OR13A1: variants seen among roughly 807,000 people sequenced by gnomAD.
The protein encoded by OR13A1 is olfactory receptor family 13 subfamily A member 1, also known as olfactory receptor 13A1.
In OR13A1, 10 loss-of-function variants were observed where a neutral mutation model predicts 7.5. The ratio of observed to expected loss-of-function variants is 1.34; its 90% confidence interval spans 0.83 to 2.27. The LOEUF (loss-of-function observed/expected upper bound fraction) is 2.27, where lower values mean the gene tolerates loss of function less well. Ranked by LOEUF, OR13A1 falls within the 30% of genes most tolerant of loss-of-function variation. OR13A1 has a pLI of 0.00. For missense variants in OR13A1, 509 were observed against 419.1 expected, an observed-to-expected ratio of 1.21 and a Z score of -1.87; for synonymous variants, 238 against 177.9, an observed-to-expected ratio of 1.34 and a Z score of -2.69.
At chr10:45,314,359 G>T (rs184410429) in intron 1 of OR13A1, among the ~76,000 whole-genome samples, 2 of 151,986 alleles carry the variant, frequency 1.3e-5, no homozygotes, top group East Asian at 3.9e-4. Context: ...CACTTTGACA[G>T]GCTGAGGGAG....
Position 45,306,431 on chromosome 10 carries a change from T to C in OR13A1, c.-13+995A>G, listed in dbSNP as rs1456617313. Among the ~76,000 whole-genome samples, 6 of 144,370 alleles carry C rather than the reference T, an allele frequency of 4.2e-5. No individual in the cohort carries two copies. In the Admixed American group the frequency reaches 4.2e-4, roughly 10 times the overall value. The allele number at this position is 144,370 out of a possible 152,430, so 94.7% of individuals were successfully genotyped here. On this transcript the variant is annotated intron_variant, in intron 3 of 3. Transcript: ENST00000553795. Reference sequence around the variant, plus strand: ...TCGCGCCACTGCACTCCAGCCTGGGTGACAGAGCGAGACTCCGTCTCAAAA... The same window carrying C: ...TCGCGCCACTGCACTCCAGCCTGGGCGACAGAGCGAGACTCCGTCTCAAAA...
At chr10:45,304,500 A>C (rs1382735405) in intron 3 of OR13A1, 66 bp from the exon 4 acceptor site, 2 of 1,344,326 alleles carry the variant, frequency 1.5e-6, no homozygotes, top group East Asian at 4.6e-5. Flanking sequence ...ACCTCACATC[A>C]CTGCATGAAA....
At chr10:45,310,732 G>A (rs1009767742) in intron 1 of OR13A1, among the ~76,000 whole-genome samples, 22 of 152,020 alleles carry the variant, frequency 1.4e-4, no homozygotes, top group African/African-American at 2.2e-4. Context: ...TGTTACTCCC[G>A]AGAACTGAGA....
At chr10:45,304,488 A>G in intron 3 of OR13A1, 54 bp from the exon 4 acceptor site, 1 of 1,442,946 alleles carries the variant, frequency 6.9e-7, no homozygotes, top group East Asian at 2.3e-5. Context: ...TGTTTCTTCC[A>G]CACCTCACAT....
chr10:45,313,695 A>T (rs1838480286), intron 1 of OR13A1, among the ~76,000 whole-genome samples: 1 of 152,192 alleles, frequency 6.6e-6, no homozygotes, highest in Admixed American at 6.5e-5. Context: ...TATAACAAAA[A>T]GTCAATTCAG....
chr10:45,307,492 A>G lies in OR13A1; in HGVS notation c.-79T>C, dbSNP rs1282018038. The stretch of plus-strand genomic sequence containing the variant: ...CAATCAACTGGTCAATAATGAGATC[A>G]AAGAATCGGGGCTCCAATCCTCTTT... On this transcript the variant is annotated 5_prime_UTR_variant, in exon 3 of 4. Coordinates refer to ENST00000553795, the MANE Select transcript of OR13A1 (RefSeq NM_001004297.3). 6.6e-6 allele frequency: 1 copy of G among 152,212 alleles called. No homozygotes were observed. Among genetic ancestry groups the G allele is most frequent in the African/African-American group, 2.4e-5 (1 of 41,462 alleles). The allele number at this position is 152,212 out of a possible 1,614,324, so 9.4% of individuals were successfully genotyped here. A position where few individuals can be genotyped will look rare whatever the true frequency, so the allele number is the denominator to read the frequency against.
At chr10:45,304,636 C>G in intron 3 of OR13A1, 1 of 553,022 alleles carries the variant, frequency 1.8e-6, no homozygotes, top group Non-Finnish European at 3.2e-6. Flanking sequence ...AAGCATCATT[C>G]AACCTCAAAC....
chr10:45,314,054 A>C (rs1330130776), intron 1 of OR13A1, among the ~76,000 whole-genome samples: 1 of 152,236 alleles, frequency 6.6e-6, no homozygotes, highest in Non-Finnish European at 1.5e-5. Flanking sequence ...AATTATACAA[A>C]ATATCTATTT....
chr10:45,303,797 G>A lies in OR13A1; in HGVS notation c.626C>T (p.Ser209Phe), dbSNP rs750939371. 1.2e-5 allele frequency: 19 copies of A among 1,613,604 alleles called. No homozygotes were observed. Among genetic ancestry groups the A allele is most frequent in the Non-Finnish European group, 1.6e-5 (19 of 1,180,042 alleles). Reference sequence around the variant, plus strand: ...AATCATGACACCGTTGACGTAGGTGGAGCTGCAGGAGAGAAGCAGCAGGGG... The same window carrying A: ...AATCATGACACCGTTGACGTAGGTGAAGCTGCAGGAGAGAAGCAGCAGGGG... The part of the protein sequence containing the change: ...VPPLLLLSCS[S>F]TYVNGVMIVL... Residue 209 changes from serine to phenylalanine, a missense_variant, in exon 4 of 4, where the codon TCC becomes TTC. Transcript: ENST00000553795.
In OR13A1 at chr10:45,303,874, G is replaced by A; in HGVS notation, c.549C>T (p.Arg183=). The A allele has an allele frequency of 1.2e-6, 2 of 1,613,090 alleles. No individual in the cohort carries two copies. Among genetic ancestry groups the A allele is most frequent in the Non-Finnish European group, 1.7e-6 (2 of 1,180,038 alleles). The change falls in exon 4 of 4, where the codon CGC becomes CGT. Residue 183 remains arginine (R), a synonymous_variant. Transcript: ENST00000553795. ...NTAIHTGLML[R]LDFCGPNVII... The stretch of plus-strand genomic sequence containing the variant: ...TGACATTGGGGCCACAGAAATCCAA[G>A]CGCAGCATCAGCCCCGTGTGGATGG...
At chr10:45,302,552 T>C (rs528668665), downstream of OR13A1, 1 of 152,366 alleles carries the variant, frequency 6.6e-6, no homozygotes, top group South Asian at 2.1e-4. Flanking sequence ...TATCGAATGA[T>C]ATGTTTCTAT....
In OR13A1 at chr10:45,307,760, G is replaced by T. The variant is rs139535561; in HGVS notation, c.-176C>A. The T allele has an allele frequency of 6.6e-6, 1 of 152,132 alleles. No homozygotes were observed. The highest frequency in any genetic ancestry group is 1.9e-4 in the East Asian group (1 of 5,196). The allele number at this position is 152,132 out of a possible 1,614,324, so 9.4% of individuals were successfully genotyped here. ...TCACCAGCAGGCCAACAGGATATTC[G>T]AACAGCGGTTATTTTCCACATTTAT... On this transcript the variant is annotated 5_prime_UTR_variant, in exon 2 of 4. Coordinates refer to ENST00000553795, the MANE Select transcript of OR13A1 (RefSeq NM_001004297.3).
rs976672113 is a variant in OR13A1 at position 45,315,473 on chromosome 10, G to C, written c.-225+51C>G. On this transcript the variant is annotated intron_variant, in intron 1 of 3. Coordinates refer to ENST00000553795, the MANE Select transcript of OR13A1 (RefSeq NM_001004297.3). ...AACACTCAGCAAACTAGGAATAGAA[G>C]GAAAATAACATAATAAAGGCCATAT... is the stretch of plus-strand genomic sequence containing the variant. 6.6e-5 allele frequency: 10 copies of C among 152,068 alleles called. No homozygotes were observed. The East Asian group carries it at 1.9e-3, about 29-fold the overall frequency. 9.4% of individuals were successfully genotyped at this position (152,068 alleles called of 1,614,324 possible).
chr10:45,314,941 C>T (rs1775792735), intron 1 of OR13A1, among the ~76,000 whole-genome samples: 1 of 152,102 alleles, frequency 6.6e-6, no homozygotes, highest in Admixed American at 6.6e-5. Context: ...AACAACAGCC[C>T]AGAACCGGAT....
chr10:45,303,504 T>C lies in OR13A1; in HGVS notation c.919A>G (p.Ile307Val). 2 of 1,613,946 alleles carry C rather than the reference T, an allele frequency of 1.2e-6. No homozygotes were observed. The highest frequency in any genetic ancestry group is 1.7e-6 in the Non-Finnish European group (2 of 1,179,962). ...ACCTCCTTGTTTCTCAAAGTATAGA[T>C]GAGGGGGTTGAGGGTAGGACTCAGC... Reference protein sequence around the residue: ...TVLSPTLNPLIYTLRNKEVKA... With the variant: ...TVLSPTLNPLVYTLRNKEVKA... Residue 307 changes from isoleucine (I) to valine (V), a missense_variant, in exon 4 of 4, where the codon ATC becomes GTC. Coordinates refer to ENST00000553795, the MANE Select transcript of OR13A1 (RefSeq NM_001004297.3).
At chr10:45,305,147 A>C (rs1018942145) in intron 3 of OR13A1, among the ~76,000 whole-genome samples, 1 of 152,080 alleles carries the variant, frequency 6.6e-6, no homozygotes, top group Non-Finnish European at 1.5e-5. Context: ...AGGCAGGAGA[A>C]TCGCTTGAAC....
In OR13A1 at chr10:45,309,653, T is replaced by C. The variant is rs527691892; in HGVS notation, c.-224-1845A>G. On this transcript the variant is annotated intron_variant, in intron 1 of 3. Coordinates refer to ENST00000553795, the MANE Select transcript of OR13A1 (RefSeq NM_001004297.3). ...GAAAAGCCTTATCGCCTTATCACAG[T>C]ACCTAATACAGGAAAGGGGATTGGC... Among the ~76,000 whole-genome samples, 38 of 152,314 alleles carry C rather than the reference T, an allele frequency of 2.5e-4. No homozygotes were observed. In the South Asian group the frequency reaches 7.5e-3, roughly 30 times the overall value.
In OR13A1 at chr10:45,304,200, C is replaced by A. The variant is rs751799752; in HGVS notation, c.223G>T (p.Ala75Ser). The change falls in exon 4 of 4, where the codon GCT (alanine) becomes TCT (serine). Residue 75 changes from alanine to serine, a missense_variant. Ala to Ser is a moderately conservative substitution (Grantham distance 99, BLOSUM62 1). Transcript: ENST00000553795. ...TTGAGTAAGAAAAAGTACATAGGAG[C>A]GTGGAGCCCAGGGTTGAACGTGATG... is the stretch of plus-strand genomic sequence containing the variant. ...LAITFNPGLHAPMYFFLLNLA... is the reference protein window; with the variant it reads ...LAITFNPGLHSPMYFFLLNLA... 6.8e-6 allele frequency: 11 copies of A among 1,613,996 alleles called. No homozygotes were observed. Among genetic ancestry groups the A allele is most frequent in the Non-Finnish European group, 9.3e-6 (11 of 1,180,044 alleles).
intron 1 of OR13A1, among the ~76,000 whole-genome samples, chr10:45,314,277 T>G (rs534473449): frequency 3.5e-4 from 54 of 152,196 alleles, no homozygotes; most frequent in African/African-American, 1.2e-3. Flanking sequence ...CAGAGAATTT[T>G]ATAGCTATAA....
Sources: allele counts gnomAD v4.1 joint callset (sites outside exome capture counted in the v4.1 genomes callset), GRCh38; gene constraint gnomAD v4.1.1; transcripts MANE v1.5; gene names NCBI Gene and HGNC (gene_info 2026-07-23, HGNC 2026-07-21).